KATNIP: variants seen among roughly 807,000 people sequenced by gnomAD.
KATNIP encodes the protein katanin interacting protein.
Under a neutral mutation model 174.0 loss-of-function variants are expected in KATNIP, and 126 were observed. The observed-to-expected ratio is 0.72, with a 90% CI of 0.63 to 0.84. KATNIP has a LOEUF of 0.84. Ranked by LOEUF, KATNIP falls within the 40% of genes least tolerant of loss-of-function variation. The pLI, the probability that KATNIP is intolerant of heterozygous loss-of-function variation, is 0.00. For missense variants in KATNIP, 1,958 were observed against 2,109.7 expected (o/e 0.93, Z 1.41); for synonymous variants, 810 against 835.7 (o/e 0.97, Z 0.53).
intron 1 of KATNIP, among the ~76,000 whole-genome samples, chr16:27,563,412 AG>A (rs2089963503): frequency 6.6e-6 from 1 of 152,300 alleles, no homozygotes. Flanking sequence ...CCATCTGTGC[AG>A]GAGTCCACTT....
chr16:27,636,736 C>T lies in KATNIP; in HGVS notation c.408+5574C>T, dbSNP rs1370706743. Among the ~76,000 whole-genome samples, 11 of 152,072 alleles carry T rather than the reference C, an allele frequency of 7.2e-5. No homozygotes were observed. In the East Asian group the frequency reaches 2.1e-3, roughly 29 times the overall value. On this transcript the variant is annotated intron_variant, in intron 5 of 27. Transcript: ENST00000261588. ...TGTGTAGCCTCTCTGAGCTGTGCACCCCAGACCTGGCCATGTAACCTCTGT... is the reference window on the plus strand; with the variant it reads ...TGTGTAGCCTCTCTGAGCTGTGCACTCCAGACCTGGCCATGTAACCTCTGT...
intron 23 of KATNIP, among the ~76,000 whole-genome samples, chr16:27,774,684 G>A (rs1001677997): frequency 1.3e-5 from 2 of 152,118 alleles, no homozygotes; most frequent in Admixed American, 6.5e-5. Flanking sequence ...TCCCTGCAAC[G>A]TCTCTTTTTC....
chr16:27,566,844 G>A (rs1202882447), intron 1 of KATNIP, among the ~76,000 whole-genome samples: 1 of 152,136 alleles, frequency 6.6e-6, no homozygotes, highest in Non-Finnish European at 1.5e-5. Flanking sequence ...TGGAGAAACT[G>A]ACTCCCTTTG....
At chr16:27,581,340 T>C (rs2090690177) in intron 2 of KATNIP, among the ~76,000 whole-genome samples, 1 of 152,014 alleles carries the variant, frequency 6.6e-6, no homozygotes, top group Admixed American at 6.6e-5. Context: ...GATCAAAGGG[T>C]GTGTGTTCTA....
At chr16:27,722,761 A>G in intron 14 of KATNIP, among the ~76,000 whole-genome samples, 1 of 152,242 alleles carries the variant, frequency 6.6e-6, no homozygotes, top group South Asian at 2.1e-4. Flanking sequence ...TTCAGCTTCA[A>G]CTAAGGGTTG....
intron 2 of KATNIP, 162 bp downstream of exon 2, chr16:27,574,118 A>G (rs1434369464): frequency 1.6e-6 from 1 of 615,664 alleles, no homozygotes; most frequent in East Asian, 2.8e-5. Flanking sequence ...TTACCAACCC[A>G]GTGTCACTTG....
chr16:27,751,921 A>G lies in KATNIP; in HGVS notation c.3549A>G (p.Glu1183=). Residue 1183 remains glutamate, a synonymous_variant, in exon 17 of 28, where the codon GAA becomes GAG. Coordinates refer to ENST00000261588, the MANE Select transcript of KATNIP (RefSeq NM_015202.5). The stretch of plus-strand genomic sequence containing the variant: ...CCCAGGCTGGCTTGGGGGCTGATGA[A>G]CGGGTAGGACTGGAGCTGGGGGGCT... ...PFTQAGLGAD[E]RIPELELPSS... is the part of the protein sequence containing the mutation. 2 of 1,605,762 alleles carry G rather than the reference A, an allele frequency of 1.2e-6. No homozygotes were observed. Among genetic ancestry groups the G allele is most frequent in the East Asian group, 2.2e-5 (1 of 44,796 alleles).
At chr16:27,597,402 CTTTTTTTTTTTT>C (rs36005993) in intron 2 of KATNIP, among the ~76,000 whole-genome samples, 9 of 46,142 alleles carry the variant, frequency 2.0e-4, no homozygotes, top group Admixed American at 3.4e-4. Context: ...ATTTTCTTTT[CTTTTTTTTTTTT>C]TTTTTTTTTT....
intron 10 of KATNIP, 133 bp from the exon 11 acceptor site, chr16:27,701,456 C>T: frequency 1.5e-6 from 1 of 655,056 alleles, no homozygotes; most frequent in Non-Finnish European, 2.7e-6. Flanking sequence ...TGCTGTCACC[C>T]TCACATTCCT....
chr16:27,754,283 G>A (rs776413579), intron 18 of KATNIP, 32 bp downstream of exon 18: 3 of 1,582,136 alleles, frequency 1.9e-6, no homozygotes, highest in East Asian at 4.5e-5. Context: ...GTGTTGGGTG[G>A]AAGGAGGACC....
chr16:27,638,835 A>ATTTTT (rs35773237), intron 5 of KATNIP, among the ~76,000 whole-genome samples: 34 of 110,784 alleles, frequency 3.1e-4, no homozygotes, highest in African/African-American at 1.2e-3. Context: ...GTCTTGCTGG[A>ATTTTT]TTTTTTTTTT....
intron 8 of KATNIP, among the ~76,000 whole-genome samples, chr16:27,685,593 C>G (rs1279071323): frequency 2.0e-5 from 3 of 152,138 alleles, no homozygotes; most frequent in African/African-American, 7.2e-5. Flanking sequence ...GATCAGATTA[C>G]CAGCTATTCC....
intron 2 of KATNIP, among the ~76,000 whole-genome samples, chr16:27,584,727 G>T (rs189186834): frequency 2.0e-4 from 30 of 152,052 alleles, no homozygotes; most frequent in African/African-American, 6.8e-4. Flanking sequence ...TGAGGCGGAG[G>T]TTGCAGTGAG....
chr16:27,707,698 A>G (rs1802399355), intron 12 of KATNIP, among the ~76,000 whole-genome samples: 1 of 152,236 alleles, frequency 6.6e-6, no homozygotes, highest in South Asian at 2.1e-4. Context: ...TTTTCTCACA[A>G]TTCCGAAGGC....
intron 2 of KATNIP, among the ~76,000 whole-genome samples, chr16:27,614,873 G>C (rs1381292938): frequency 6.6e-6 from 1 of 152,186 alleles, no homozygotes; most frequent in Non-Finnish European, 1.5e-5. Context: ...GGAACAGGAG[G>C]AGAAAGGGCA....
intron 13 of KATNIP, among the ~76,000 whole-genome samples, chr16:27,713,812 A>ATATGTGTGTGTGTGTGTGTGTGTGTGTG (rs2079771992): frequency 9.9e-5 from 1 of 10,140 alleles, no homozygotes; most frequent in African/African-American, 4.3e-4. Flanking sequence ...GTATATACAT[A>ATATGTGTGTGTGTGTGTGTGTGTGTGTG]TATATATATA....
chr16:27,625,598 G>T (rs2076309078), intron 3 of KATNIP, among the ~76,000 whole-genome samples: 1 of 152,164 alleles, frequency 6.6e-6, no homozygotes, highest in Non-Finnish European at 1.5e-5. Context: ...GGCTTCCAAG[G>T]CTGGCAAGAG....
At chr16:27,662,922 C>G (rs2077569061) in intron 6 of KATNIP, among the ~76,000 whole-genome samples, 1 of 151,974 alleles carries the variant, frequency 6.6e-6, no homozygotes, top group Non-Finnish European at 1.5e-5. Context: ...CTATATCTAC[C>G]CAGCCAAACC....
chr16:27,634,464 C>T (rs1400218634), intron 5 of KATNIP, among the ~76,000 whole-genome samples: 1 of 152,174 alleles, frequency 6.6e-6, no homozygotes, highest in African/African-American at 2.4e-5. Context: ...GCCAGGAGAG[C>T]GGCTGCCTAG....
Sources: allele counts gnomAD v4.1 joint callset (sites outside exome capture counted in the v4.1 genomes callset), GRCh38; gene constraint gnomAD v4.1.1; transcripts MANE v1.5; gene names NCBI Gene and HGNC (gene_info 2026-07-23, HGNC 2026-07-21).